Variants in SYCP2L observed in about 807,000 individuals in gnomAD.
SYCP2L encodes the protein synaptonemal complex protein 2 like, also known as synaptonemal complex protein 2-like.
In SYCP2L, 98 loss-of-function variants were observed where a neutral mutation model predicts 125.8. That is an observed-to-expected ratio of 0.78 (90% CI 0.66 to 0.92). The LOEUF (loss-of-function observed/expected upper bound fraction) is 0.92. Ranked by LOEUF, SYCP2L falls within the 40% of genes least tolerant of loss-of-function variation. The pLI, the probability that SYCP2L is intolerant of heterozygous loss-of-function variation, is 0.00. For missense variants in SYCP2L, 842 were observed against 936.4 expected (o/e 0.90, Z 1.32); for synonymous variants, 317 against 325.4 (o/e 0.97, Z 0.28).
At chr6:10,903,884 C>G (rs1253073880) in intron 8 of SYCP2L, among the ~76,000 whole-genome samples, 1 of 150,740 alleles carries the variant, frequency 6.6e-6, no homozygotes, top group African/African-American at 2.4e-5. Flanking sequence ...TATATTTTTT[C>G]ATTGTGAATG....
intron 1 of SYCP2L, among the ~76,000 whole-genome samples, chr6:10,887,551 A>C (rs868408722): frequency 1.3e-5 from 2 of 152,098 alleles, no homozygotes; most frequent in Admixed American, 6.5e-5. Context: ...CCTAAGATAA[A>C]GCTACAATTA....
chr6:10,887,598 G>A (rs1329997672), intron 1 of SYCP2L, among the ~76,000 whole-genome samples: 1 of 151,996 alleles, frequency 6.6e-6, no homozygotes, highest in Non-Finnish European at 1.5e-5. Context: ...AACACATGAA[G>A]TTTGAGCCCA....
chr6:10,926,975 T>C (rs1401402578), intron 16 of SYCP2L, among the ~76,000 whole-genome samples: 1 of 152,090 alleles, frequency 6.6e-6, no homozygotes, highest in African/African-American at 2.4e-5. Context: ...GAGACGGGAT[T>C]TTGCCATGTT....
intron 28 of SYCP2L, 30 bp from the exon 29 acceptor site, chr6:10,963,752 T>C (rs1024536478): frequency 6.2e-7 from 1 of 1,610,566 alleles, no homozygotes; most frequent in Non-Finnish European, 8.5e-7. Flanking sequence ...CTAATGTGAA[T>C]ATAATAAGAG....
chr6:10,943,263 T>C (rs1438276252), intron 23 of SYCP2L, among the ~76,000 whole-genome samples: 1 of 152,208 alleles, frequency 6.6e-6, no homozygotes, highest in East Asian at 1.9e-4. Flanking sequence ...TTTTCTACTG[T>C]TTATGATGTT....
intron 21 of SYCP2L, among the ~76,000 whole-genome samples, chr6:10,940,353 G>T (rs1781194694): frequency 6.6e-6 from 1 of 152,040 alleles, no homozygotes; most frequent in African/African-American, 2.4e-5. Context: ...GATAAAATCA[G>T]CATCTTGAAG....
intron 19 of SYCP2L, 129 bp downstream of exon 19, chr6:10,930,643 A>G: frequency 9.0e-7 from 1 of 1,111,156 alleles, no homozygotes; most frequent in Middle Eastern, 3.0e-4. Flanking sequence ...TTTCCCTGCT[A>G]CAGTTACACT....
At chr6:10,929,941 AAAAAAAG>A (rs376545759) in intron 18 of SYCP2L, 1,590 of 154,306 alleles carry the variant, frequency 0.01, 29 homozygotes, top group African/African-American at 0.036. Context: ...CTCCATCTCA[AAAAAAAG>A]AAAAAAGAAA....
intron 21 of SYCP2L, among the ~76,000 whole-genome samples, chr6:10,940,425 C>T (rs1781196065): frequency 6.6e-6 from 1 of 152,036 alleles, no homozygotes; most frequent in East Asian, 1.9e-4. Flanking sequence ...ATGGAATCAG[C>T]CTAAGCACTG....
intron 23 of SYCP2L, among the ~76,000 whole-genome samples, chr6:10,949,505 G>A (rs1781373084): frequency 6.6e-6 from 1 of 152,094 alleles, no homozygotes; most frequent in Non-Finnish European, 1.5e-5. Context: ...TTACATTAAG[G>A]CCTAACTGGA....
intron 2 of SYCP2L, among the ~76,000 whole-genome samples, chr6:10,892,364 A>G (rs754260362): frequency 2.6e-5 from 4 of 152,188 alleles, no homozygotes; most frequent in East Asian, 1.9e-4. Flanking sequence ...CAGTGGTACA[A>G]TCATGGCTTA....
At chr6:10,950,961 A>T (rs1781400198) in intron 23 of SYCP2L, among the ~76,000 whole-genome samples, 1 of 151,614 alleles carries the variant, frequency 6.6e-6, no homozygotes, top group African/African-American at 2.4e-5. Context: ...GCCCAGCCAG[A>T]GGATAATTTT....
chr6:10,912,918 A>G lies in SYCP2L; in HGVS notation c.1063A>G (p.Ser355Gly). 6.2e-7 allele frequency: 1 copy of G among 1,613,658 alleles called. No homozygotes were observed. Among genetic ancestry groups the G allele is most frequent in the South Asian group, 1.1e-5 (1 of 91,064 alleles). The change falls in exon 14 of 30, where the codon AGC becomes GGC. Residue 355 changes from serine (S) to glycine (G), a missense_variant. Physicochemically the swap from Ser to Gly is moderately conservative, Grantham distance 56. Coordinates refer to ENST00000283141, the MANE Select transcript of SYCP2L (RefSeq NM_001040274.3). The surrounding 1 kb of genome is among the most constrained non-coding windows in gnomAD (Gnocchi z 4.1). ...TCCGAAGGAAGCGGTGATGAATTTCAGCATAACAGGTAATATGATACATTT... is the reference window on the plus strand; with the variant it reads ...TCCGAAGGAAGCGGTGATGAATTTCGGCATAACAGGTAATATGATACATTT... The part of the protein sequence containing the change: ...TLPKEAVMNF[S>G]ITETEKIKIF...
chr6:10,902,805 C>G, intron 7 of SYCP2L, 43 bp downstream of exon 7: 1 of 1,611,062 alleles, frequency 6.2e-7, no homozygotes, highest in Non-Finnish European at 8.5e-7. Flanking sequence ...GTTCCAGAAA[C>G]CTAAAAGAAG....
intron 21 of SYCP2L, among the ~76,000 whole-genome samples, chr6:10,935,868 A>C (rs1781084847): frequency 6.6e-6 from 1 of 152,178 alleles, no homozygotes; most frequent in Non-Finnish European, 1.5e-5. Flanking sequence ...GATAAGATGT[A>C]AGCCAATGGG....
Position 10,914,543 on chromosome 6 carries a change from G to C in SYCP2L, c.1072+1616G>C, listed in dbSNP as rs560655697. Reference sequence around the variant, plus strand: ...TGTTTTTTCTAATTCTGTGAAGAATGATGGTGATATTTTACTGGGAATTGT... The same window carrying C: ...TGTTTTTTCTAATTCTGTGAAGAATCATGGTGATATTTTACTGGGAATTGT... On this transcript the variant is annotated intron_variant, in intron 14 of 29. Coordinates refer to ENST00000283141, the MANE Select transcript of SYCP2L (RefSeq NM_001040274.3). 5.8e-4 allele frequency among the ~76,000 whole-genome samples: 88 copies of C among 152,262 alleles called. No individual in the cohort carries two copies. In the South Asian group the frequency reaches 0.018, roughly 31 times the overall value.
intron 1 of SYCP2L, among the ~76,000 whole-genome samples, chr6:10,888,061 A>G (rs1438479298): frequency 8.6e-6 from 1 of 115,820 alleles, no homozygotes; most frequent in Non-Finnish European, 1.7e-5. Flanking sequence ...TATAGGTGTT[A>G]CCATCTTTTT....
chr6:10,905,134 C>A (rs1411801563), intron 8 of SYCP2L, among the ~76,000 whole-genome samples: 5 of 77,786 alleles, frequency 6.4e-5, no homozygotes, highest in East Asian at 4.3e-4. Context: ...CAGAGCCAGA[C>A]TTGGTCTCAA....
At chr6:10,955,848 C>T (rs1781495241) in intron 24 of SYCP2L, among the ~76,000 whole-genome samples, 1 of 152,204 alleles carries the variant, frequency 6.6e-6, no homozygotes, top group Non-Finnish European at 1.5e-5. Flanking sequence ...CACCCAGAAG[C>T]AGTTACACCA....
Sources: allele counts gnomAD v4.1 joint callset (sites outside exome capture counted in the v4.1 genomes callset), GRCh38; gene constraint gnomAD v4.1.1; non-coding constraint Gnocchi (gnomAD v3.1); transcripts MANE v1.5; gene names NCBI Gene and HGNC (gene_info 2026-07-23, HGNC 2026-07-21).